The following PTPRG variants were observed in gnomAD, a reference collection of about 807,000 sequenced individuals.
The protein encoded by PTPRG is protein tyrosine phosphatase receptor type G, also known as receptor-type tyrosine-protein phosphatase gamma.
PTPRG carries 102 observed loss-of-function variants against 165.3 expected under a neutral mutation model. The ratio of observed to expected loss-of-function variants is 0.62; its 90% CI spans 0.53 to 0.73. The LOEUF (loss-of-function observed/expected upper bound fraction) is 0.73, where lower values mean the gene tolerates loss of function less well. Among genes scored for constraint, PTPRG ranks in the 30% least tolerant of loss-of-function variants. PTPRG has a pLI of 0.00. For missense variants in PTPRG, 1,866 were observed against 1,861.4 expected, an observed-to-expected ratio of 1.00 and a Z score of -0.05; for synonymous variants, 675 against 669.5, an observed-to-expected ratio of 1.01 and a Z score of -0.13.
chr3:61,849,495 A>G (rs1005385214), intron 2 of PTPRG, among the ~76,000 whole-genome samples: 1 of 152,122 alleles, frequency 6.6e-6, no homozygotes, highest in Admixed American at 6.5e-5. Flanking sequence ...AATAAAACAG[A>G]GTCTCGCACC....
intron 1 of PTPRG, among the ~76,000 whole-genome samples, chr3:61,729,963 T>C (rs1033419568): frequency 6.6e-6 from 1 of 152,246 alleles, no homozygotes; most frequent in African/African-American, 2.4e-5. Flanking sequence ...ATTAGTTTCA[T>C]GGCTCCCAAG....
At chr3:61,836,935 G>C (rs2036485552) in intron 2 of PTPRG, among the ~76,000 whole-genome samples, 1 of 151,810 alleles carries the variant, frequency 6.6e-6, no homozygotes, top group Non-Finnish European at 1.5e-5. Flanking sequence ...TTTTGAGATG[G>C]AGTCTTGCTC....
chr3:62,040,747 C>T (rs1438978879), intron 4 of PTPRG, among the ~76,000 whole-genome samples: 1 of 152,140 alleles, frequency 6.6e-6, no homozygotes, highest in East Asian at 1.9e-4. Context: ...CAGCCGAGTC[C>T]AGCTTTTAAG....
intron 1 of PTPRG, among the ~76,000 whole-genome samples, chr3:61,617,430 TC>T (rs1404834898): frequency 6.6e-6 from 1 of 152,186 alleles, no homozygotes; most frequent in Non-Finnish European, 1.5e-5. Context: ...ATAAGGGTGT[TC>T]CTTTCCTTTT....
chr3:62,065,664 C>T (rs1700987848), intron 4 of PTPRG, among the ~76,000 whole-genome samples: 1 of 152,144 alleles, frequency 6.6e-6, no homozygotes, highest in African/African-American at 2.4e-5. Context: ...TCATTCATTC[C>T]ATAGTCATTT....
intron 27 of PTPRG, 80 bp downstream of exon 27, chr3:62,281,789 C>T: frequency 7.4e-7 from 1 of 1,347,208 alleles, no homozygotes; most frequent in Non-Finnish European, 1.0e-6. Flanking sequence ...AAATAATTTA[C>T]CACCCTCAAG....
At chr3:61,712,227 C>T (rs1342797882) in intron 1 of PTPRG, among the ~76,000 whole-genome samples, 3 of 152,184 alleles carry the variant, frequency 2.0e-5, no homozygotes, top group East Asian at 1.9e-4. Context: ...TGTCCTTTAA[C>T]TGCCATCGAT....
At chr3:62,071,492 C>T (rs1433323815) in intron 4 of PTPRG, among the ~76,000 whole-genome samples, 2 of 152,156 alleles carry the variant, frequency 1.3e-5, no homozygotes, top group Admixed American at 1.3e-4. Context: ...TAATAGATGC[C>T]TCACTTGACC....
intron 5 of PTPRG, among the ~76,000 whole-genome samples, chr3:62,117,823 G>C (rs1702920976): frequency 1.3e-5 from 2 of 152,182 alleles, no homozygotes; most frequent in South Asian, 4.1e-4. Context: ...TATATTTGCA[G>C]TACAATACAT....
intron 1 of PTPRG, among the ~76,000 whole-genome samples, chr3:61,747,652 A>C (rs1338494513): frequency 1.3e-5 from 2 of 152,034 alleles, no homozygotes; most frequent in African/African-American, 4.8e-5. Context: ...TTTTTTAATG[A>C]CTGTCACATT....
intron 8 of PTPRG, among the ~76,000 whole-genome samples, chr3:62,172,602 C>T (rs369780971): frequency 7.2e-5 from 11 of 152,110 alleles, no homozygotes; most frequent in East Asian, 1.9e-4. Context: ...GGTAACTCAG[C>T]GCCACTATAG....
chr3:62,186,942 A>G (rs978478275), intron 8 of PTPRG, among the ~76,000 whole-genome samples: 1 of 152,208 alleles, frequency 6.6e-6, no homozygotes, highest in Non-Finnish European at 1.5e-5. Flanking sequence ...ATGGCAAGCC[A>G]TGAGGCTGAC....
At chr3:62,277,777 CTAGGG>C in intron 26 of PTPRG, 98 bp downstream of exon 26, 1 of 1,448,162 alleles carries the variant, frequency 6.9e-7, no homozygotes, top group Non-Finnish European at 9.3e-7. Context: ...TCCATATATG[CTAGGG>C]AGGGAATTTA....
intron 2 of PTPRG, among the ~76,000 whole-genome samples, chr3:61,904,308 A>C (rs1472192348): frequency 6.6e-6 from 1 of 152,184 alleles, no homozygotes; most frequent in Non-Finnish European, 1.5e-5. Flanking sequence ...AGACTGTGAA[A>C]GTCTGAAAAA....
chr3:61,917,812 A>G (rs2038979287), intron 2 of PTPRG, among the ~76,000 whole-genome samples: 1 of 152,176 alleles, frequency 6.6e-6, no homozygotes, highest in Non-Finnish European at 1.5e-5. Context: ...GGACGCTTGT[A>G]ATCCTAGCTA....
chr3:62,203,441 C>T lies in PTPRG; in HGVS notation c.1646C>T (p.Ala549Val). 1 of 1,597,016 alleles carries T rather than the reference C, an allele frequency of 6.3e-7. No individual in the cohort carries two copies. Among genetic ancestry groups the T allele is most frequent in the East Asian group, 2.3e-5 (1 of 43,888 alleles). Residue 549 changes from alanine to valine, a missense_variant, in exon 12 of 30, where the codon GCT (alanine) becomes GTT (valine). Around this residue, in one of 3 missense-constraint regions of PTPRG, gnomAD observed 1,452 missense variants for 1,463.0 expected, o/e 0.99. Transcript: ENST00000474889. The surrounding 1 kb of genome is among the most constrained non-coding windows in gnomAD (Gnocchi z 6.4). ...GCCGCCTCAGCCAGCAAGCAGGCGGCTAGGCCAGTCCTAGCCACCACAGAG... is the reference window on the plus strand; with the variant it reads ...GCCGCCTCAGCCAGCAAGCAGGCGGTTAGGCCAGTCCTAGCCACCACAGAG... ...PTAASASKQA[A>V]RPVLATTEAL...
chr3:62,192,275 T>C (rs115404691), intron 9 of PTPRG, among the ~76,000 whole-genome samples: 117 of 152,164 alleles, frequency 7.7e-4, no homozygotes, highest in Non-Finnish European at 1.5e-3. Context: ...ACGTGCCTAA[T>C]TCAATGTCTC....
chr3:61,827,871 A>G (rs969280956), intron 2 of PTPRG, among the ~76,000 whole-genome samples: 5 of 152,194 alleles, frequency 3.3e-5, no homozygotes, highest in African/African-American at 7.2e-5. Context: ...AGTACCTTAA[A>G]TATGTCTATA....
At chr3:61,934,546 C>G (rs1415068485) in intron 2 of PTPRG, among the ~76,000 whole-genome samples, 1 of 152,034 alleles carries the variant, frequency 6.6e-6, no homozygotes, top group Non-Finnish European at 1.5e-5. Context: ...CTGACTACGC[C>G]TATCTTGCTC....
Sources: gnomAD v4.1 joint callset for allele counts (sites outside exome capture counted in the v4.1 genomes callset) on GRCh38, gnomAD v4.1.1 for gene constraint, gnomAD v4.1.1 regional missense constraint, Gnocchi (gnomAD v3.1) non-coding constraint, MANE v1.5 for transcripts, NCBI Gene and HGNC (gene_info 2026-07-23, HGNC 2026-07-21) for gene names.